The following JAK1 variants were observed in gnomAD, a reference collection of about 807,000 sequenced individuals.
The protein encoded by JAK1 is tyrosine-protein kinase JAK1.
In JAK1, 16 loss-of-function variants were observed where a neutral mutation model predicts 136.6. That is an observed-to-expected ratio of 0.12 (90% CI 0.08 to 0.18). JAK1 has a LOEUF of 0.18. JAK1 is among the 10% of genes least tolerant of loss of function. The pLI, the probability that JAK1 is intolerant of heterozygous loss-of-function variation, is 1.00. For synonymous variants in JAK1, 492 were observed against 519.5 expected (o/e 0.95, Z 0.72); for missense variants, 859 against 1,450.1 (o/e 0.59, Z 6.62).
intron 2 of JAK1, among the ~76,000 whole-genome samples, chr1:64,884,654 C>T (rs1644825953): frequency 6.6e-6 from 1 of 152,214 alleles, no homozygotes; most frequent in South Asian, 2.1e-4. Context: ...CCTGCCTTCA[C>T]TCACACTGAT....
chr1:64,967,715 G>GT (rs1235239690), upstream of JAK1, among the ~76,000 whole-genome samples: 1 of 152,198 alleles, frequency 6.6e-6, no homozygotes, highest in Non-Finnish European at 1.5e-5. Flanking sequence ...GCCTCCACCA[G>GT]TAACCACCTG....
rs992783673 is a variant in JAK1, at chr1:65,056,506, A to G, written c.-181+11098T>C. ...GAAAGAACCTCTCTGTACGAGGCCT[A>G]CTCCCTTTCAGTTCCCTTTCTTCCC... On this transcript the variant is annotated intron_variant, in intron 1 of 25. Transcript: ENST00000671954. 2.6e-5 allele frequency among the ~76,000 whole-genome samples: 4 copies of G among 152,066 alleles called. No individual in the cohort carries two copies. In the East Asian group the frequency reaches 7.7e-4, roughly 29 times the overall value.
chr1:64,974,163 C>G (rs907370064), intron 2 of JAK1: 2 of 152,122 alleles, frequency 1.3e-5, no homozygotes, highest in African/African-American at 4.8e-5. Context: ...TTGGTATTGT[C>G]CTAAAATCAT....
chr1:64,836,615 C>A (rs547700571), intron 22 of JAK1, among the ~76,000 whole-genome samples: 12 of 152,276 alleles, frequency 7.9e-5, no homozygotes, highest in African/African-American at 2.9e-4. Context: ...CCAGCATTGC[C>A]TACTTTGCTG....
intron 14 of JAK1, among the ~76,000 whole-genome samples, chr1:64,845,841 A>T (rs1443280297): frequency 6.6e-6 from 1 of 152,176 alleles, no homozygotes; most frequent in African/African-American, 2.4e-5. Context: ...GGTGGCACTG[A>T]GCAAGTGACA....
At chr1:64,867,862 T>G (rs984292865) in intron 6 of JAK1, among the ~76,000 whole-genome samples, 1 of 152,012 alleles carries the variant, frequency 6.6e-6, no homozygotes, top group Non-Finnish European at 1.5e-5. Flanking sequence ...TGGTGGCACA[T>G]GCCTGTAATC....
intron 1 of JAK1, among the ~76,000 whole-genome samples, chr1:65,047,227 A>T (rs1647192464): frequency 6.6e-6 from 1 of 152,128 alleles, no homozygotes. Flanking sequence ...GGGGAAAGGA[A>T]GCTACTGTTA....
intron 2 of JAK1, among the ~76,000 whole-genome samples, chr1:65,022,685 T>C (rs919391487): frequency 6.6e-6 from 1 of 152,244 alleles, no homozygotes; most frequent in African/African-American, 2.4e-5. Flanking sequence ...TTCTTTATTT[T>C]TAGACTTTAA....
At chr1:64,855,783 T>G in intron 10 of JAK1, 85 bp from the exon 11 acceptor site, 1 of 1,122,284 alleles carries the variant, frequency 8.9e-7, no homozygotes, top group Non-Finnish European at 1.3e-6. Flanking sequence ...GGAAGCTGCA[T>G]GAAGAGTAAT....
chr1:64,947,989 A>T (rs987360731), intron 1 of JAK1, among the ~76,000 whole-genome samples: 2 of 152,148 alleles, frequency 1.3e-5, no homozygotes, highest in Non-Finnish European at 2.9e-5. Context: ...GGTATAACAT[A>T]GAAGAGAATG....
intron 4 of JAK1, among the ~76,000 whole-genome samples, chr1:64,878,569 A>ATGTG (rs1557657909): frequency 3.2e-5 from 1 of 30,912 alleles, no homozygotes; most frequent in East Asian, 6.3e-4. Context: ...GTGTATATAT[A>ATGTG]TATATATATA....
At chr1:64,916,381 C>T (rs941807244) in intron 1 of JAK1, among the ~76,000 whole-genome samples, 3 of 152,010 alleles carry the variant, frequency 2.0e-5, no homozygotes, top group South Asian at 4.1e-4. Flanking sequence ...AAGGGCCCTA[C>T]GGAACTTCTA....
At chr1:64,895,544 A>G (rs1645001750) in intron 1 of JAK1, among the ~76,000 whole-genome samples, 1 of 152,224 alleles carries the variant, frequency 6.6e-6, no homozygotes, top group African/African-American at 2.4e-5. Context: ...GACATATTTC[A>G]CCTCAAACTT....
At chr1:64,986,744 T>G (rs1403879398) in intron 2 of JAK1, among the ~76,000 whole-genome samples, 1 of 151,942 alleles carries the variant, frequency 6.6e-6, no homozygotes, top group Non-Finnish European at 1.5e-5. Flanking sequence ...AAAATGGTGT[T>G]GCATGCCTGT....
At chr1:65,058,803 A>G (rs547948517) in intron 1 of JAK1, among the ~76,000 whole-genome samples, 14 of 152,220 alleles carry the variant, frequency 9.2e-5, no homozygotes, top group South Asian at 2.1e-4. Flanking sequence ...AGCTTCCAGC[A>G]TATTTCACAG....
At chr1:64,955,329 T>G (rs1285130165) in intron 1 of JAK1, among the ~76,000 whole-genome samples, 2 of 152,090 alleles carry the variant, frequency 1.3e-5, no homozygotes, top group Non-Finnish European at 2.9e-5. Context: ...ACTATGTGTA[T>G]ACACACCGCT....
Position 64,860,114 on chromosome 1 carries a change from C to A in JAK1, c.1325G>T (p.Gly442Val). The part of the protein sequence containing the change: ...IVHNIQNGCH[G>V]PICTEYAINK... ...AGGTTCTAGGACCAACCAGATTGGA[C>A]CATGACAGCCATTCTGTATGTTGTG... Residue 442 changes from glycine (G) to valine (V), a missense_variant, in exon 9 of 25, where the codon GGT becomes GTT. Coordinates refer to ENST00000342505, the MANE Select transcript of JAK1 (RefSeq NM_002227.4). 6.3e-7 allele frequency: 1 copy of A among 1,580,488 alleles called. No individual in the cohort carries two copies. The highest frequency in any genetic ancestry group is 8.6e-7 in the Non-Finnish European group (1 of 1,158,858).
At chr1:65,041,032 G>A (rs934670039) in intron 2 of JAK1, among the ~76,000 whole-genome samples, 6 of 152,062 alleles carry the variant, frequency 3.9e-5, no homozygotes, top group Admixed American at 6.6e-5. Flanking sequence ...GTATCATCAC[G>A]GAAAAAGAGG....
chr1:64,985,805 G>T, intron 2 of JAK1: 1 of 632,102 alleles, frequency 1.6e-6, no homozygotes, highest in South Asian at 1.8e-5. Context: ...CCAACAGGTT[G>T]ACAGTAAGCA....
Sources: allele counts gnomAD v4.1 joint callset (sites outside exome capture counted in the v4.1 genomes callset), GRCh38; gene constraint gnomAD v4.1.1; transcripts MANE v1.5; gene names NCBI Gene and HGNC (gene_info 2026-07-23, HGNC 2026-07-21).